Variants in EVA1A observed in about 807,000 individuals in gnomAD.
The protein encoded by EVA1A is protein eva-1 homolog A.
A neutral mutation model predicts 9.8 loss-of-function variants in EVA1A; 7 were observed. The ratio of observed to expected loss-of-function variants is 0.71; its 90% CI spans 0.41 to 1.34. The LOEUF (loss-of-function observed/expected upper bound fraction) is 1.34. Ranked by LOEUF, EVA1A falls within the 40% of genes most tolerant of loss-of-function variation. EVA1A has a pLI of 0.01. For missense variants in EVA1A, 206 were observed against 205.9 expected (o/e 1.00, Z 0.00); for synonymous variants, 90 against 85.6 (o/e 1.05, Z -0.28).
intron 2 of EVA1A, among the ~76,000 whole-genome samples, 168 bp from the exon 3 acceptor site, chr2:75,518,376 G>A (rs550533139): frequency 6.6e-6 from 1 of 152,204 alleles, no homozygotes; most frequent in African/African-American, 2.4e-5. Flanking sequence ...TTTTTTGGGG[G>A]TATAGCTTCA....
intron 1 of EVA1A, among the ~76,000 whole-genome samples, chr2:75,559,967 C>T (rs914295678): frequency 1.8e-4 from 28 of 152,306 alleles, no homozygotes; most frequent in Middle Eastern, 3.4e-3. Context: ...TGGCACTCCT[C>T]TCCTTCCAGG....
chr2:75,552,333 T>A (rs1676554986), intron 1 of EVA1A, among the ~76,000 whole-genome samples: 1 of 152,120 alleles, frequency 6.6e-6, no homozygotes, highest in African/African-American at 2.4e-5. Flanking sequence ...TCATCATCCT[T>A]CCTATAAATG....
intron 3 of EVA1A, among the ~76,000 whole-genome samples, chr2:75,506,479 T>A (rs2192511): frequency 7.2e-5 from 11 of 152,058 alleles, no homozygotes; most frequent in South Asian, 2.1e-4. Context: ...TCCTTAGGGG[T>A]GGTACTGGAG....
In EVA1A at chr2:75,493,219, C is replaced by T. The variant is rs778177530; in HGVS notation, c.*17G>A. On this transcript the variant is annotated 3_prime_UTR_variant, in exon 4 of 4. Coordinates refer to ENST00000393913, the MANE Select transcript of EVA1A (RefSeq NM_001135032.2). ...TTTCCAGGCGGCCTCCAGTGGTTTC[C>T]GGGGTCCTGCTGCTCCCTAATAGTA... 14 of 1,593,308 alleles carry T rather than the reference C, an allele frequency of 8.8e-6. No individual in the cohort carries two copies. The highest frequency in any genetic ancestry group is 8.1e-5 in the African/African-American group (6 of 74,494).
chr2:75,545,109 A>AT (rs1484320290), intron 1 of EVA1A, among the ~76,000 whole-genome samples: 1 of 152,256 alleles, frequency 6.6e-6, no homozygotes, highest in African/African-American at 2.4e-5. Context: ...AATATTCCAC[A>AT]TAAGATTTCA....
intron 1 of EVA1A, among the ~76,000 whole-genome samples, chr2:75,550,003 C>T (rs1049677568): frequency 2.0e-5 from 3 of 152,126 alleles, no homozygotes; most frequent in Non-Finnish European, 4.4e-5. Context: ...AGCTTTTAAC[C>T]CTCTATGGTA....
At chr2:75,542,317 C>T (rs1260350277) in intron 1 of EVA1A, 1 of 152,244 alleles carries the variant, frequency 6.6e-6, no homozygotes, top group African/African-American at 2.4e-5. Flanking sequence ...CATTTGGAAA[C>T]AGTGTTCTAA....
intron 3 of EVA1A, among the ~76,000 whole-genome samples, chr2:75,514,008 A>G (rs1188298172): frequency 3.3e-5 from 5 of 152,230 alleles, no homozygotes; most frequent in Admixed American, 2.6e-4. Flanking sequence ...AGGGATGCTA[A>G]AAAATAAAAA....
chr2:75,499,058 G>T (rs1326248491), intron 3 of EVA1A, among the ~76,000 whole-genome samples: 2 of 152,186 alleles, frequency 1.3e-5, no homozygotes, highest in African/African-American at 4.8e-5. Flanking sequence ...TGACAGGCTG[G>T]AATGGGCCTG....
At chr2:75,545,947 A>G (rs1676314284) in intron 1 of EVA1A, among the ~76,000 whole-genome samples, 1 of 152,126 alleles carries the variant, frequency 6.6e-6, no homozygotes, top group Non-Finnish European at 1.5e-5. Flanking sequence ...ATGGGGGAGG[A>G]TGAGCACCTC....
At chr2:75,553,755 G>T (rs1676606743) in intron 1 of EVA1A, among the ~76,000 whole-genome samples, 1 of 152,178 alleles carries the variant, frequency 6.6e-6, no homozygotes, top group African/African-American at 2.4e-5. Context: ...ATGCAGCAGG[G>T]TCTAACACTG....
At chr2:75,569,306 G>T (rs1677081986) in intron 1 of EVA1A, among the ~76,000 whole-genome samples, 1 of 152,112 alleles carries the variant, frequency 6.6e-6, no homozygotes, top group South Asian at 2.1e-4. Flanking sequence ...CGGTAGTCTG[G>T]TTTTTGTCCC....
intron 2 of EVA1A, among the ~76,000 whole-genome samples, 161 bp downstream of exon 2, chr2:75,522,204 C>T (rs1675255612): frequency 6.6e-6 from 1 of 151,962 alleles, no homozygotes; most frequent in Admixed American, 6.5e-5. Context: ...GCAGTGAAGC[C>T]CCCTATTAAT....
intron 3 of EVA1A, among the ~76,000 whole-genome samples, chr2:75,510,500 G>T (rs56141706): frequency 2.6e-5 from 4 of 152,156 alleles, no homozygotes; most frequent in Non-Finnish European, 4.4e-5. Flanking sequence ...GTTGTGGGGG[G>T]TGAGGCTCCC....
chr2:75,539,601 G>C (rs996923205), intron 1 of EVA1A, among the ~76,000 whole-genome samples: 20 of 152,104 alleles, frequency 1.3e-4, no homozygotes, highest in Admixed American at 1.3e-3. Flanking sequence ...AGAAATATAG[G>C]TTACAGCTGA....
chr2:75,560,391 C>A (rs1676880354), intron 1 of EVA1A, among the ~76,000 whole-genome samples: 1 of 152,170 alleles, frequency 6.6e-6, no homozygotes, highest in Non-Finnish European at 1.5e-5. Context: ...CGAAGCTGGG[C>A]TGCAGAGGCA....
At chr2:75,509,188 A>G (rs371122223) in intron 3 of EVA1A, among the ~76,000 whole-genome samples, 2 of 152,336 alleles carry the variant, frequency 1.3e-5, no homozygotes, top group East Asian at 3.9e-4. Flanking sequence ...CATATGTCCT[A>G]TAAAAATTTA....
At chr2:75,541,118 G>A (rs987178305) in intron 1 of EVA1A, among the ~76,000 whole-genome samples, 3 of 152,214 alleles carry the variant, frequency 2.0e-5, no homozygotes, top group African/African-American at 7.2e-5. Flanking sequence ...CCTCCCTGAG[G>A]ACAACACAGG....
At chr2:75,518,003 C>G (rs1267301613) in intron 3 of EVA1A, 53 bp downstream of exon 3, 24 of 1,609,236 alleles carry the variant, frequency 1.5e-5, no homozygotes, top group Admixed American at 3.3e-5. Flanking sequence ...AGGAGACAAC[C>G]TTGGACCCAG....
Sources: gnomAD v4.1 joint callset for allele counts (sites outside exome capture counted in the v4.1 genomes callset) on GRCh38, gnomAD v4.1.1 for gene constraint, MANE v1.5 for transcripts, NCBI Gene and HGNC (gene_info 2026-07-23, HGNC 2026-07-21) for gene names.